The following TBC1D12 variants were observed in gnomAD, a reference collection of about 807,000 sequenced individuals.
TBC1D12 encodes TBC1 domain family, member 12.
A neutral mutation model predicts 86.7 loss-of-function variants in TBC1D12; 56 were observed. That is an observed-to-expected ratio of 0.65 (90% CI 0.52 to 0.81). The LOEUF is 0.81. TBC1D12 is among the 30% of genes least tolerant of loss of function. The probability of loss-of-function intolerance (pLI) is 0.00; values close to 1 mark genes in which losing one functional copy is unlikely to be tolerated. For missense variants in TBC1D12, 1,023 were observed against 1,038.8 expected (o/e 0.98, Z 0.21); for synonymous variants, 421 against 411.7 (o/e 1.02, Z -0.27).
chr10:94,472,905 C>T (rs2055929622), intron 2 of TBC1D12, among the ~76,000 whole-genome samples: 1 of 152,054 alleles, frequency 6.6e-6, no homozygotes, highest in Non-Finnish European at 1.5e-5. Flanking sequence ...CTCAGATAAG[C>T]AGAGCATAGA....
At chr10:94,520,465 C>T (rs947600592) in intron 9 of TBC1D12, among the ~76,000 whole-genome samples, 2 of 151,792 alleles carry the variant, frequency 1.3e-5, no homozygotes, top group African/African-American at 2.4e-5. Flanking sequence ...GCAGGAGAAT[C>T]GCTTGAATCC....
At chr10:94,511,459 AT>A (rs2056526016) in intron 8 of TBC1D12, 123 bp from the exon 9 acceptor site, 16 of 695,600 alleles carry the variant, frequency 2.3e-5, no homozygotes, top group South Asian at 2.0e-4. Context: ...CATTTATAAT[AT>A]TTTTTATTAA....
chr10:94,402,593 GC>G lies in TBC1D12; in HGVS notation c.-20del. The G allele has an allele frequency of 6.2e-7, 1 of 1,609,728 alleles. No individual in the cohort carries two copies. Among genetic ancestry groups the G allele is most frequent in the Non-Finnish European group, 8.5e-7 (1 of 1,178,358 alleles). The stretch of plus-strand genomic sequence containing the variant: ...CTGTAGTCCTTCTTTGCCTCCTGGG[GC>G]GGCCGCCACCCACCCCCAGATGGTG... On this transcript the variant is annotated 5_prime_UTR_variant, in exon 1 of 13. Transcript: ENST00000225235.
rs1182878810 is a variant in TBC1D12 at position 94,534,725 on chromosome 10, A to G, written c.*1629A>G. ...GGCCCAACAGTGTCATGACCCTCCA[A>G]TTGAAACATAGCATGAATTATTTTT... On this transcript the variant is annotated 3_prime_UTR_variant, in exon 13 of 13. Coordinates refer to ENST00000225235, the MANE Select transcript of TBC1D12 (RefSeq NM_015188.2). The G allele has an allele frequency of 6.6e-6, 1 of 152,170 alleles. No individual in the cohort carries two copies. Among genetic ancestry groups the G allele is most frequent in the African/African-American group, 2.4e-5 (1 of 41,436 alleles). The allele number at this position is 152,170 out of a possible 1,614,324, so 9.4% of individuals were successfully genotyped here. A position where few individuals can be genotyped will look rare whatever the true frequency, so the allele number is the denominator to read the frequency against.
At chr10:94,497,780 T>C (rs1000768424) in intron 5 of TBC1D12, among the ~76,000 whole-genome samples, 8 of 151,112 alleles carry the variant, frequency 5.3e-5, no homozygotes, top group African/African-American at 1.9e-4. Context: ...GAAATGCTAA[T>C]TGATTTATGA....
intron 10 of TBC1D12, 130 bp from the exon 11 acceptor site, chr10:94,522,214 T>C: frequency 7.9e-7 from 1 of 1,259,978 alleles, no homozygotes; most frequent in Non-Finnish European, 1.1e-6. Flanking sequence ...TATTAATGAA[T>C]GTTTGCTGAG....
At chr10:94,522,215 G>C in intron 10 of TBC1D12, 129 bp from the exon 11 acceptor site, 1 of 1,251,068 alleles carries the variant, frequency 8.0e-7, no homozygotes, top group Non-Finnish European at 1.1e-6. Flanking sequence ...ATTAATGAAT[G>C]TTTGCTGAGA....
At chr10:94,475,257 G>T (rs1466521795) in intron 3 of TBC1D12, among the ~76,000 whole-genome samples, 1 of 152,124 alleles carries the variant, frequency 6.6e-6, no homozygotes, top group African/African-American at 2.4e-5. Context: ...ATGTATTTAA[G>T]ATGTGCTTGT....
intron 1 of TBC1D12, among the ~76,000 whole-genome samples, chr10:94,430,483 C>G (rs928958710): frequency 6.6e-6 from 1 of 152,112 alleles, no homozygotes; most frequent in Admixed American, 6.6e-5. Flanking sequence ...TTTAAAAAAG[C>G]ATTAGTGGAG....
chr10:94,515,596 G>C (rs192350003), intron 9 of TBC1D12, among the ~76,000 whole-genome samples: 1 of 151,912 alleles, frequency 6.6e-6, no homozygotes, highest in African/African-American at 2.4e-5. Context: ...CGATCCACCC[G>C]CCTCGGCCTC....
intron 1 of TBC1D12, among the ~76,000 whole-genome samples, chr10:94,404,162 T>TTG (rs1363073246): frequency 1.3e-5 from 2 of 152,212 alleles, no homozygotes; most frequent in African/African-American, 4.8e-5. Flanking sequence ...TAATCGTTTG[T>TTG]TTCAGTGGTC....
chr10:94,403,973 A>C (rs2054814211), intron 1 of TBC1D12, among the ~76,000 whole-genome samples: 1 of 151,430 alleles, frequency 6.6e-6, no homozygotes. Context: ...TTTACTACAA[A>C]CATTTAGGTT....
intron 2 of TBC1D12, among the ~76,000 whole-genome samples, chr10:94,471,035 G>A (rs911345845): frequency 6.6e-6 from 1 of 152,098 alleles, no homozygotes; most frequent in Admixed American, 6.5e-5. Flanking sequence ...CAGCACTTTG[G>A]GAGGCTGAGG....
At chr10:94,499,820 A>G (rs936121937) in intron 5 of TBC1D12, among the ~76,000 whole-genome samples, 6 of 152,226 alleles carry the variant, frequency 3.9e-5, no homozygotes, top group Non-Finnish European at 8.8e-5. Flanking sequence ...TTTAAAGCCG[A>G]CAGTTTTTTT....
At chr10:94,529,839 C>G (rs530417859) in intron 11 of TBC1D12, among the ~76,000 whole-genome samples, 1 of 152,162 alleles carries the variant, frequency 6.6e-6, no homozygotes, top group East Asian at 1.9e-4. Flanking sequence ...ATGTGGGGGA[C>G]AGGAGAGAAC....
chr10:94,522,451 C>G lies in TBC1D12; in HGVS notation c.1998C>G (p.Asp666Glu). 3.3e-6 allele frequency: 4 copies of G among 1,211,296 alleles called. No individual in the cohort carries two copies. The highest frequency in any genetic ancestry group is 4.6e-6 in the Non-Finnish European group (4 of 866,112). The allele number at this position is 1,211,296 out of a possible 1,614,324, so 75.0% of individuals were successfully genotyped here. A position where few individuals can be genotyped will look rare whatever the true frequency, so the allele number is the denominator to read the frequency against. Reference sequence around the variant, plus strand: ...TTACACCAGATATATACTTGATAGACTGGTAAGTCATAACATACGTAATAT... The same window carrying G: ...TTACACCAGATATATACTTGATAGAGTGGTAAGTCATAACATACGTAATAT... ...YSLTPDIYLI[D>E]WIFTLYSKSL... Residue 666 changes from aspartate (D) to glutamate (E), a missense_variant and splice_region_variant, in exon 11 of 13, where the codon GAC (aspartate) becomes GAG (glutamate). Transcript: ENST00000225235.
intron 1 of TBC1D12, among the ~76,000 whole-genome samples, chr10:94,408,772 T>A (rs192218960): frequency 6.6e-6 from 1 of 152,276 alleles, no homozygotes; most frequent in East Asian, 1.9e-4. Context: ...AAAAAATTCC[T>A]TTCTCAAATC....
chr10:94,523,921 A>G (rs1842218997), intron 11 of TBC1D12, among the ~76,000 whole-genome samples: 1 of 152,202 alleles, frequency 6.6e-6, no homozygotes, highest in Admixed American at 6.5e-5. Context: ...GTGAGCTATG[A>G]TTGCACCACT....
intron 5 of TBC1D12, among the ~76,000 whole-genome samples, chr10:94,499,269 C>G (rs11595478): frequency 0.21 from 31,213 of 152,116 alleles, 3,354 homozygotes; most frequent in South Asian, 0.34. Context: ...CTTATTTCTT[C>G]TAACGGAAGT....
Sources: gnomAD v4.1 joint callset for allele counts (sites outside exome capture counted in the v4.1 genomes callset) on GRCh38, gnomAD v4.1.1 for gene constraint, MANE v1.5 for transcripts, NCBI Gene and HGNC (gene_info 2026-07-23, HGNC 2026-07-21) for gene names.